Variants in INSC observed in about 807,000 individuals in gnomAD.
INSC encodes the protein INSC spindle orientation adaptor protein, also known as protein inscuteable homolog.
INSC carries 67 observed loss-of-function variants against 58.6 expected under a neutral mutation model. That is an observed-to-expected ratio of 1.14 (90% CI 0.94 to 1.40). The LOEUF is 1.40. Among genes scored for constraint, INSC ranks in the 40% most tolerant of loss-of-function variants. INSC has a pLI of 0.00. For missense variants in INSC, 714 were observed against 692.0 expected (o/e 1.03, Z -0.36); for synonymous variants, 262 against 276.1 (o/e 0.95, Z 0.51).
chr11:15,113,119 C>CTTTCTTTT (rs1554899333), upstream of INSC, among the ~76,000 whole-genome samples: 1 of 73,264 alleles, frequency 1.4e-5, no homozygotes, highest in African/African-American at 4.8e-5. Flanking sequence ...TTCTCTCTCT[C>CTTTCTTTT]TCTTTCTTTC....
intron 2 of INSC, among the ~76,000 whole-genome samples, chr11:15,171,950 C>T (rs1247123423): frequency 6.6e-6 from 1 of 152,166 alleles, no homozygotes; most frequent in Non-Finnish European, 1.5e-5. Context: ...TTTCCAGGGG[C>T]ATTTTAACAC....
At chr11:15,124,388 T>C (rs1847941884) in intron 1 of INSC, among the ~76,000 whole-genome samples, 1 of 152,178 alleles carries the variant, frequency 6.6e-6, no homozygotes, top group African/African-American at 2.4e-5. Context: ...TTCCCCTCTT[T>C]CATTGGTGAT....
intron 1 of INSC, among the ~76,000 whole-genome samples, chr11:15,118,543 G>C (rs1418125205): frequency 2.0e-5 from 3 of 152,194 alleles, no homozygotes; most frequent in Admixed American, 6.5e-5. Flanking sequence ...TATCCTCCCA[G>C]AAGCATTTGA....
rs1714376 is a variant in INSC, at chr11:15,178,411, T to C, written c.543T>C (p.Gly181=). 0.85 allele frequency: 1,368,142 copies of C among 1,612,722 alleles called. 581,308 individuals are homozygous for C. The highest frequency in any genetic ancestry group is 0.98 in the East Asian group (44,150 of 44,856). The stretch of plus-strand genomic sequence containing the variant: ...TGAGCATGCTGGGCCAGCACTTTGG[T>C]CAGCTGCTGGAGCTGGCCCTGACAC... ...ETLSMLGQHF[G]QLLELALTRE... The change falls in exon 5 of 13, where the codon GGT becomes GGC. Residue 181 remains glycine, a synonymous_variant. Transcript: ENST00000379556.
the INSC span, among the ~76,000 whole-genome samples, chr11:15,266,426 A>G: frequency 2.6e-5 from 4 of 152,060 alleles, no homozygotes; most frequent in Admixed American, 6.6e-5. Flanking sequence ...TATGTCCATC[A>G]TCTGTGAAGA....
chr11:15,145,396 G>C (rs1281930119), intron 1 of INSC, among the ~76,000 whole-genome samples: 1 of 152,204 alleles, frequency 6.6e-6, no homozygotes, highest in African/African-American at 2.4e-5. Flanking sequence ...CCAAGGGCTT[G>C]TCTTGAACTC....
chr11:15,202,058 T>C (rs978108579), intron 7 of INSC, among the ~76,000 whole-genome samples: 1 of 152,166 alleles, frequency 6.6e-6, no homozygotes, highest in Admixed American at 6.5e-5. Context: ...TAGCTAAGGA[T>C]GGAATGTGGA....
At chr11:15,156,909 C>T (rs1475615338) in intron 2 of INSC, among the ~76,000 whole-genome samples, 2 of 152,178 alleles carry the variant, frequency 1.3e-5, no homozygotes, top group East Asian at 3.8e-4. Context: ...CTTCTCCCAC[C>T]CCAATTCCAC....
At chr11:15,135,205 A>AC (rs1205441501) in intron 1 of INSC, among the ~76,000 whole-genome samples, 1 of 152,194 alleles carries the variant, frequency 6.6e-6, no homozygotes, top group Non-Finnish European at 1.5e-5. Context: ...GCATCATAGA[A>AC]CACTCTGTTG....
intron 1 of INSC, among the ~76,000 whole-genome samples, chr11:15,121,775 C>G (rs1299448967): frequency 6.6e-6 from 1 of 152,258 alleles, no homozygotes; most frequent in African/African-American, 2.4e-5. Flanking sequence ...TCACTAGGGT[C>G]TCATGAATTC....
chr11:15,265,704 T>G, the INSC span, among the ~76,000 whole-genome samples: 1 of 151,856 alleles, frequency 6.6e-6, no homozygotes, highest in Admixed American at 6.6e-5. Flanking sequence ...TACTAGTTTA[T>G]TTAAAGTACT....
chr11:15,201,992 A>C (rs1850611566), intron 7 of INSC, among the ~76,000 whole-genome samples: 1 of 152,186 alleles, frequency 6.6e-6, no homozygotes, highest in Non-Finnish European at 1.5e-5. Flanking sequence ...GTCTCCTTCC[A>C]AACCTACTCA....
intron 2 of INSC, among the ~76,000 whole-genome samples, chr11:15,164,761 G>A (rs1262111656): frequency 1.3e-5 from 2 of 151,940 alleles, no homozygotes; most frequent in African/African-American, 2.4e-5. Context: ...ATCTCATCTC[G>A]AATTATGGCT....
At chr11:15,181,628 C>G (rs1849783334) in intron 5 of INSC, among the ~76,000 whole-genome samples, 1 of 152,028 alleles carries the variant, frequency 6.6e-6, no homozygotes, top group Non-Finnish European at 1.5e-5. Context: ...TTGTATTAAC[C>G]CAAGAATCTG....
At chr11:15,229,997 A>T (rs1352308980) in intron 9 of INSC, among the ~76,000 whole-genome samples, 6 of 27,486 alleles carry the variant, frequency 2.2e-4, no homozygotes, top group African/African-American at 9.7e-4. Flanking sequence ...ATATATATAT[A>T]TATATATATA....
At chr11:15,247,218 T>A (rs1391644100), downstream of INSC, 1 of 152,212 alleles carries the variant, frequency 6.6e-6, no homozygotes, top group Non-Finnish European at 1.5e-5. Context: ...ATTACTAGTT[T>A]ACATGAGTTA....
chr11:15,169,292 A>G (rs1281204319), intron 2 of INSC, among the ~76,000 whole-genome samples: 1 of 152,146 alleles, frequency 6.6e-6, no homozygotes, highest in Non-Finnish European at 1.5e-5. Context: ...CTGGAAGACA[A>G]AGCTACTGGG....
intron 9 of INSC, among the ~76,000 whole-genome samples, chr11:15,232,404 A>T (rs1540144): frequency 0.71 from 107,534 of 152,116 alleles, 38,545 homozygotes; most frequent in East Asian, 0.97. Flanking sequence ...CTCATACAGG[A>T]CTTAAAAGAT....
intron 2 of INSC, among the ~76,000 whole-genome samples, chr11:15,163,790 C>T (rs536524131): frequency 2.0e-4 from 31 of 152,290 alleles, no homozygotes; most frequent in African/African-American, 7.0e-4. Context: ...GACAAGGTTT[C>T]ACCATATTAG....
Sources: gnomAD v4.1 joint callset for allele counts (sites outside exome capture counted in the v4.1 genomes callset) on GRCh38, gnomAD v4.1.1 for gene constraint, MANE v1.5 for transcripts, NCBI Gene and HGNC (gene_info 2026-07-23, HGNC 2026-07-21) for gene names.